The following FGF14 variants were observed in gnomAD, a reference collection of about 807,000 sequenced individuals.
FGF14 encodes the protein fibroblast growth factor homologous factor 4.
In FGF14, 5 loss-of-function variants were observed where a neutral mutation model predicts 25.5. The ratio of observed to expected loss-of-function variants is 0.20; its 90% CI spans 0.10 to 0.41. The LOEUF (loss-of-function observed/expected upper bound fraction) is 0.41, where lower values mean the gene tolerates loss of function less well. FGF14 is among the 10% of genes least tolerant of loss of function. The pLI, the probability that FGF14 is intolerant of heterozygous loss-of-function variation, is 1.00. For synonymous variants in FGF14, 138 were observed against 118.3 expected (o/e 1.17, Z -1.08); for missense variants, 222 against 320.1 (o/e 0.69, Z 2.34).
chr13:101,748,371 A>G (rs944216220), intron 3 of FGF14, among the ~76,000 whole-genome samples: 2 of 152,040 alleles, frequency 1.3e-5, no homozygotes, highest in Non-Finnish European at 1.5e-5. Flanking sequence ...CTTAAGTGAA[A>G]TAACTCATAA....
At chr13:101,805,936 T>A (rs2041170989) in intron 3 of FGF14, among the ~76,000 whole-genome samples, 1 of 152,156 alleles carries the variant, frequency 6.6e-6, no homozygotes, top group Non-Finnish European at 1.5e-5. Context: ...ATGACATATG[T>A]ATATTCAATT....
intron 1 of FGF14, among the ~76,000 whole-genome samples, chr13:101,985,438 A>G (rs545677009): frequency 6.6e-6 from 1 of 152,220 alleles, no homozygotes; most frequent in East Asian, 1.9e-4. Flanking sequence ...TGTTCCATGG[A>G]CCATGTGTTA....
chr13:102,272,871 A>G (rs1383900456), intron 1 of FGF14, among the ~76,000 whole-genome samples: 2 of 152,066 alleles, frequency 1.3e-5, no homozygotes, highest in Non-Finnish European at 2.9e-5. Context: ...TGTACATCTC[A>G]TTTTAAAATA....
chr13:101,829,112 G>T (rs1566949796), intron 3 of FGF14, among the ~76,000 whole-genome samples: 2 of 152,006 alleles, frequency 1.3e-5, no homozygotes, highest in Admixed American at 6.6e-5. Flanking sequence ...TGACATCCAG[G>T]AATAAAGAAA....
At chr13:102,135,730 A>G (rs2046383983) in intron 1 of FGF14, among the ~76,000 whole-genome samples, 1 of 152,200 alleles carries the variant, frequency 6.6e-6, no homozygotes, top group South Asian at 2.1e-4. Context: ...ACCTCAGCTT[A>G]CTGCAACCTC....
intron 1 of FGF14, among the ~76,000 whole-genome samples, chr13:102,211,189 G>A (rs923689914): frequency 6.6e-6 from 1 of 151,988 alleles, no homozygotes; most frequent in African/African-American, 2.4e-5. Flanking sequence ...GAGACAGATT[G>A]GCCAAAATAA....
chr13:102,170,693 C>T (rs2048211149), intron 1 of FGF14, among the ~76,000 whole-genome samples: 1 of 152,066 alleles, frequency 6.6e-6, no homozygotes, highest in African/African-American at 2.4e-5. Flanking sequence ...AAAAACAAAA[C>T]AAAAAACCTC....
At chr13:102,233,951 C>T (rs907454677) in intron 1 of FGF14, among the ~76,000 whole-genome samples, 1 of 152,190 alleles carries the variant, frequency 6.6e-6, no homozygotes, top group African/African-American at 2.4e-5. Context: ...TATTTGACTA[C>T]TATATGGTAG....
At chr13:101,911,211 A>G (rs540640921) in intron 1 of FGF14, among the ~76,000 whole-genome samples, 4 of 152,226 alleles carry the variant, frequency 2.6e-5, no homozygotes, top group South Asian at 2.1e-4. Context: ...TGGAATTACT[A>G]ACAAAAATCA....
intron 1 of FGF14, among the ~76,000 whole-genome samples, chr13:102,252,574 G>A (rs2052232817): frequency 6.6e-6 from 1 of 152,004 alleles, no homozygotes; most frequent in Non-Finnish European, 1.5e-5. Context: ...CTCCAGATGA[G>A]TTAGAATACC....
chr13:101,732,927 A>G (rs2035906267), intron 3 of FGF14, among the ~76,000 whole-genome samples: 2 of 152,234 alleles, frequency 1.3e-5, no homozygotes, highest in South Asian at 4.1e-4. Flanking sequence ...ACTAGAGTTT[A>G]TCTGAGGTCA....
intron 1 of FGF14, among the ~76,000 whole-genome samples, chr13:102,074,679 A>G (rs1165225223): frequency 6.6e-6 from 1 of 152,196 alleles, no homozygotes; most frequent in Non-Finnish European, 1.5e-5. Flanking sequence ...CAGATGCAAA[A>G]ATCCTCAACA....
At chr13:101,843,046 A>C (rs540932258) in intron 3 of FGF14, among the ~76,000 whole-genome samples, 18 of 152,192 alleles carry the variant, frequency 1.2e-4, no homozygotes, top group African/African-American at 4.3e-4. Flanking sequence ...ATATGTATTA[A>C]GCACCTGTAG....
intron 1 of FGF14, among the ~76,000 whole-genome samples, chr13:102,202,234 A>C (rs1371774221): frequency 2.0e-5 from 3 of 152,210 alleles, no homozygotes; most frequent in African/African-American, 7.2e-5. Flanking sequence ...GTTTCTTTAT[A>C]GCAAAACAAG....
intron 1 of FGF14, among the ~76,000 whole-genome samples, chr13:101,899,837 G>A (rs970740053): frequency 3.9e-5 from 6 of 151,954 alleles, no homozygotes; most frequent in Non-Finnish European, 5.9e-5. Context: ...GTTTGCTTCA[G>A]TAACTGATAA....
chr13:102,020,533 G>A (rs1184753439), intron 1 of FGF14, among the ~76,000 whole-genome samples: 1 of 151,808 alleles, frequency 6.6e-6, no homozygotes, highest in East Asian at 1.9e-4. Context: ...GGCAATCAGA[G>A]TGAAACTCTG....
chr13:102,200,781 C>T (rs1427578103), intron 1 of FGF14, among the ~76,000 whole-genome samples: 1 of 151,984 alleles, frequency 6.6e-6, no homozygotes, highest in Non-Finnish European at 1.5e-5. Flanking sequence ...AATGAAAAAA[C>T]ACCCTGACAA....
At chr13:102,200,810 T>C (rs1174677674) in intron 1 of FGF14, among the ~76,000 whole-genome samples, 1 of 151,916 alleles carries the variant, frequency 6.6e-6, no homozygotes, top group East Asian at 1.9e-4. Context: ...TGTGGGCAGA[T>C]ATAAACAACA....
At chr13:101,960,977 A>G (rs557869839) in intron 1 of FGF14, among the ~76,000 whole-genome samples, 2 of 152,118 alleles carry the variant, frequency 1.3e-5, no homozygotes, top group African/African-American at 4.8e-5. Context: ...GTTTGTTGGC[A>G]GGATAAATGT....
Sources: gnomAD v4.1 joint callset for allele counts (sites outside exome capture counted in the v4.1 genomes callset) on GRCh38, gnomAD v4.1.1 for gene constraint, MANE v1.5 for transcripts, NCBI Gene and HGNC (gene_info 2026-07-23, HGNC 2026-07-21) for gene names.